ZNF705A: variants seen among roughly 807,000 people sequenced by gnomAD.
The protein encoded by ZNF705A is zinc finger protein 705A.
A neutral mutation model predicts 16.6 loss-of-function variants in ZNF705A; 8 were observed. The ratio of observed to expected loss-of-function variants is 0.48; its 90% CI spans 0.28 to 0.87. The LOEUF (loss-of-function observed/expected upper bound fraction) is 0.87. Among genes scored for constraint, ZNF705A ranks in the 40% least tolerant of loss-of-function variants. The pLI, the probability that ZNF705A is intolerant of heterozygous loss-of-function variation, is 0.10. For missense variants in ZNF705A, 233 were observed against 359.9 expected (o/e 0.65, Z 2.85); for synonymous variants, 73 against 117.3 (o/e 0.62, Z 2.44).
At chr12:8,167,854 G>C (rs756777046), upstream of ZNF705A, among the ~76,000 whole-genome samples, 4 of 152,212 alleles carry the variant, frequency 2.6e-5, no homozygotes, top group Admixed American at 2.0e-4. Context: ...ATTTAAAAAG[G>C]CTTTAGAACA....
At chr12:8,157,178 A>G in intron 1 of ZNF705A, 86 bp downstream of exon 1, 1 of 395,592 alleles carries the variant, frequency 2.5e-6, no homozygotes, top group Non-Finnish European at 4.5e-6. Flanking sequence ...ATTCCATGTA[A>G]GTCCTGCTGC....
intron 1 of ZNF705A, among the ~76,000 whole-genome samples, chr12:8,162,873 A>T (rs1445058155): frequency 6.6e-6 from 1 of 152,094 alleles, no homozygotes; most frequent in Non-Finnish European, 1.5e-5. Flanking sequence ...CTGGTCTGAA[A>T]CTCCAAAGTG....
At chr12:8,158,135 AAGGGAGTAGG>A (rs1244694652) in intron 1 of ZNF705A, among the ~76,000 whole-genome samples, 1 of 152,130 alleles carries the variant, frequency 6.6e-6, no homozygotes, top group East Asian at 1.9e-4. Context: ...AGCTCAAAGA[AAGGGAGTAGG>A]ATGTGTTTGC....
chr12:8,159,023 T>G (rs1000063691), intron 1 of ZNF705A, among the ~76,000 whole-genome samples: 1 of 152,168 alleles, frequency 6.6e-6, no homozygotes, highest in Non-Finnish European at 1.5e-5. Context: ...CCTTGTGTCC[T>G]CCTGGCTTAG....
rs1948455048 is a variant in ZNF705A at position 8,172,732 on chromosome 12, C to A, written c.12+95C>A. 6.5e-6 allele frequency: 10 copies of A among 1,546,758 alleles called. No homozygotes were observed. In the South Asian group the frequency reaches 1.1e-4, roughly 18 times the overall value. On this transcript the variant is annotated intron_variant, in intron 1 of 4. Coordinates refer to ENST00000359286, the Ensembl canonical transcript of ZNF705A. ...TTTGCATGGGTGTTTCATTTTTATT[C>A]TTTTCTGTTTGTTTGTTTTTATGAT...
intron 1 of ZNF705A, among the ~76,000 whole-genome samples, chr12:8,164,000 C>A (rs1948378717): frequency 6.6e-6 from 1 of 152,000 alleles, no homozygotes; most frequent in South Asian, 2.1e-4. Flanking sequence ...AAGTACACAC[C>A]ATGAACACAT....
chr12:8,179,238 G>A (rs1948511778), exon 5 of ZNF705A: 1 of 152,046 alleles, frequency 6.6e-6, no homozygotes, highest in Non-Finnish European at 1.5e-5. Flanking sequence ...TTTTATTCAG[G>A]TGAGTCCTGA....
At chr12:8,173,660 G>A (rs11043742) in intron 1 of ZNF705A, among the ~76,000 whole-genome samples, 83,770 of 151,158 alleles carry the variant, frequency 0.55, 23,368 homozygotes, top group African/African-American at 0.6. Flanking sequence ...ATTATATAAC[G>A]TTAAAGAGAC....
intron 1 of ZNF705A, among the ~76,000 whole-genome samples, chr12:8,158,805 T>C (rs1295668561): frequency 6.6e-6 from 1 of 152,140 alleles, no homozygotes; most frequent in Non-Finnish European, 1.5e-5. Flanking sequence ...GATTTTTCAC[T>C]ATTGATTTTT....
chr12:8,159,846 T>C (rs918117501), intron 1 of ZNF705A, among the ~76,000 whole-genome samples: 1 of 152,164 alleles, frequency 6.6e-6, no homozygotes, highest in African/African-American at 2.4e-5. Context: ...CAGCTCTTTA[T>C]CTTTGTTTTT....
At chr12:8,170,630 A>G (rs1461303059), upstream of ZNF705A, among the ~76,000 whole-genome samples, 1 of 152,224 alleles carries the variant, frequency 6.6e-6, no homozygotes, top group East Asian at 1.9e-4. Flanking sequence ...AAGAGCTTAC[A>G]TGGTAATAAT....
chr12:8,177,153 C>T (rs771661939), exon 5 of ZNF705A: 8 of 1,611,996 alleles, frequency 5.0e-6, no homozygotes, highest in Non-Finnish European at 6.8e-6. Context: ...AATCTTTTCT[C>T]CCCTAAACCA....
intron 1 of ZNF705A, among the ~76,000 whole-genome samples, chr12:8,162,975 T>C (rs1415727287): frequency 4.6e-5 from 7 of 152,240 alleles, no homozygotes; most frequent in African/African-American, 1.4e-4. Flanking sequence ...TCTTGCTTGC[T>C]AGGACAAGGC....
At position 8,162,154 on chromosome 12, in the gene ZNF705A, A is replaced by G. The variant is rs12306343; in HGVS notation, c.-72+5062A>G. ...GAAGAACTTGGGCATAAATGTTTAG[A>G]TAAACTCCCTTTCAAACCAGAAGAC... On this transcript the variant is annotated intron_variant, in intron 1 of 5. Coordinates refer to the ZNF705A transcript ENST00000396570. Among the ~76,000 whole-genome samples the G allele has an allele frequency of 9.3e-3, 1,418 of 152,300 alleles. 25 individuals carry two copies. Among genetic ancestry groups the G allele is most frequent in the African/African-American group, 0.033 (1,372 of 41,570 alleles).
upstream of ZNF705A, among the ~76,000 whole-genome samples, chr12:8,169,415 G>T (rs1948426809): frequency 6.6e-6 from 1 of 152,160 alleles, no homozygotes; most frequent in African/African-American, 2.4e-5. Flanking sequence ...CAAGATAACA[G>T]GATTTTCCAT....
intron 1 of ZNF705A, 46 bp from the exon 3 acceptor site, chr12:8,174,280 T>C (rs1407199404): frequency 2.5e-6 from 4 of 1,595,786 alleles, no homozygotes; most frequent in East Asian, 2.2e-5. Context: ...TTCCGGACAT[T>C]GAAAGGGATT....
chr12:8,166,431 T>C (rs10770281), intron 1 of ZNF705A, among the ~76,000 whole-genome samples: 82,440 of 151,922 alleles, frequency 0.54, 22,578 homozygotes, highest in Non-Finnish European at 0.57. Context: ...GGGGCAGTTT[T>C]TCCCATGCTG....
rs769691445 is a variant in ZNF705A at position 8,161,664 on chromosome 12, G to T, written c.-72+4572G>T. ...GTTCCAATTACCAGAAATGCAACAG[G>T]TGGAAAGGTTAAAACATCTATTAGT... On this transcript the variant is annotated intron_variant, in intron 1 of 5. Coordinates refer to the ZNF705A transcript ENST00000396570. Among the ~76,000 whole-genome samples, 7 of 152,246 alleles carry T rather than the reference G, an allele frequency of 4.6e-5. No individual in the cohort carries two copies. The South Asian group carries it at 1.5e-3, about 32-fold the overall frequency.
chr12:8,176,701 A>G (rs971932209), intron 4 of ZNF705A, among the ~76,000 whole-genome samples: 1 of 152,192 alleles, frequency 6.6e-6, no homozygotes, highest in African/African-American at 2.4e-5. Context: ...ACAGCTCATG[A>G]GGAATTTCCT....
Sources: gnomAD v4.1 joint callset for allele counts (sites outside exome capture counted in the v4.1 genomes callset) on GRCh38, gnomAD v4.1.1 for gene constraint, MANE v1.5 for transcripts, NCBI Gene and HGNC (gene_info 2026-07-23, HGNC 2026-07-21) for gene names.